Variants in PRDM5 observed in about 807,000 individuals in gnomAD.
PRDM5 encodes PR domain zinc finger protein 5.
PRDM5 carries 56 observed loss-of-function variants against 81.2 expected under a neutral mutation model. The ratio of observed to expected loss-of-function variants is 0.69; its 90% CI spans 0.56 to 0.86. The LOEUF is 0.86. PRDM5 is among the 40% of genes least tolerant of loss of function. The pLI is 0.00. For synonymous variants in PRDM5, 267 were observed against 256.4 expected (o/e 1.04, Z -0.39); for missense variants, 697 against 770.1 (o/e 0.91, Z 1.12).
At chr4:120,823,329 A>G (rs1397496323) in intron 3 of PRDM5, among the ~76,000 whole-genome samples, 1 of 152,214 alleles carries the variant, frequency 6.6e-6, no homozygotes, top group Non-Finnish European at 1.5e-5. Flanking sequence ...AAATTTTCAT[A>G]TACCAGCTAA....
intron 7 of PRDM5, among the ~76,000 whole-genome samples, chr4:120,814,492 G>A (rs2149331799): frequency 6.6e-6 from 1 of 152,280 alleles, no homozygotes; most frequent in South Asian, 2.1e-4. Context: ...TATGCTTCTA[G>A]GAGCTGGTCT....
At chr4:120,855,078 A>G (rs1325621644) in intron 2 of PRDM5, among the ~76,000 whole-genome samples, 1 of 152,216 alleles carries the variant, frequency 6.6e-6, no homozygotes, top group Non-Finnish European at 1.5e-5. Context: ...GGGCAGGTAC[A>G]GTTATTTTTA....
chr4:120,787,256 C>T lies in PRDM5; in HGVS notation c.1189-2165G>A, dbSNP rs551732575. 3.9e-5 allele frequency among the ~76,000 whole-genome samples: 6 copies of T among 152,134 alleles called. No homozygotes were observed. The South Asian group carries it at 6.2e-4, about 16-fold the overall frequency. On this transcript the variant is annotated intron_variant, in intron 10 of 15. Coordinates refer to ENST00000264808, the MANE Select transcript of PRDM5 (RefSeq NM_018699.4). Reference sequence around the variant, plus strand: ...CGGGTGACCTAGTCAAGAAACATCACGGAAGCCAGTGTGGTTGGAGCCATG... The same window carrying T: ...CGGGTGACCTAGTCAAGAAACATCATGGAAGCCAGTGTGGTTGGAGCCATG...
chr4:120,733,087 A>T (rs1167655183), intron 14 of PRDM5, among the ~76,000 whole-genome samples: 1 of 152,234 alleles, frequency 6.6e-6, no homozygotes, highest in Non-Finnish European at 1.5e-5. Context: ...ATATGAAAGA[A>T]AAATAGGTAA....
chr4:120,835,225 C>T (rs148544756), intron 3 of PRDM5, among the ~76,000 whole-genome samples: 94 of 152,200 alleles, frequency 6.2e-4, no homozygotes, highest in African/African-American at 2.3e-3. Context: ...ATTAATCAAC[C>T]ACCAAAGAAA....
chr4:120,741,208 C>A (rs754056494), intron 14 of PRDM5, among the ~76,000 whole-genome samples: 24 of 152,148 alleles, frequency 1.6e-4, no homozygotes, highest in Non-Finnish European at 1.0e-4. Flanking sequence ...TCAACCAACG[C>A]TGCATATCCT....
intron 14 of PRDM5, among the ~76,000 whole-genome samples, chr4:120,745,753 C>G (rs1294257935): frequency 6.9e-6 from 1 of 144,168 alleles, no homozygotes; most frequent in Non-Finnish European, 1.5e-5. Flanking sequence ...TCAAGGAGAA[C>G]TACAAACCGC....
chr4:120,759,126 C>A (rs17051243), intron 13 of PRDM5, among the ~76,000 whole-genome samples: 233 of 151,112 alleles, frequency 1.5e-3, no homozygotes, highest in African/African-American at 5.3e-3. Context: ...ATGAGGTCTA[C>A]GTAAATCACT....
Position 120,716,520 on chromosome 4 carries a change from C to G in PRDM5, c.1624-6107G>C, listed in dbSNP as rs1466339134. ...CTATGTTAGTCTGGCAAGAAAGGCTCTCTGTCATAACTAAGTATATCAACA... is the reference window on the plus strand; with the variant it reads ...CTATGTTAGTCTGGCAAGAAAGGCTGTCTGTCATAACTAAGTATATCAACA... On this transcript the variant is annotated intron_variant, in intron 14 of 15. Transcript: ENST00000264808. Among the ~76,000 whole-genome samples the G allele has an allele frequency of 2.0e-5, 3 of 152,142 alleles. No homozygotes were observed. The East Asian group carries it at 5.8e-4, about 29-fold the overall frequency.
At chr4:120,861,276 G>A (rs1419234302) in intron 2 of PRDM5, among the ~76,000 whole-genome samples, 2 of 152,104 alleles carry the variant, frequency 1.3e-5, no homozygotes, top group Admixed American at 6.5e-5. Flanking sequence ...CCAAAGTGCT[G>A]GGATTATAGG....
At chr4:120,832,396 G>A (rs752336921) in intron 3 of PRDM5, among the ~76,000 whole-genome samples, 4 of 152,110 alleles carry the variant, frequency 2.6e-5, no homozygotes, top group Non-Finnish European at 4.4e-5. Context: ...CACAGCACAT[G>A]AGGATTATGG....
intron 2 of PRDM5, among the ~76,000 whole-genome samples, chr4:120,888,959 T>A (rs996192825): frequency 3.3e-5 from 5 of 152,194 alleles, no homozygotes; most frequent in African/African-American, 1.2e-4. Context: ...TAGTTCTTAC[T>A]ATATTCTGGA....
chr4:120,702,256 T>C (rs1010371971), intron 15 of PRDM5, among the ~76,000 whole-genome samples: 2 of 152,194 alleles, frequency 1.3e-5, no homozygotes, highest in Non-Finnish European at 2.9e-5. Context: ...AATTGTTCCA[T>C]GGTGTTTTGC....
At chr4:120,741,476 C>T (rs1230812823) in intron 14 of PRDM5, among the ~76,000 whole-genome samples, 2 of 151,628 alleles carry the variant, frequency 1.3e-5, no homozygotes, top group East Asian at 2.0e-4. Context: ...GCCTGAACCA[C>T]GCAGAAGACG....
intron 2 of PRDM5, among the ~76,000 whole-genome samples, chr4:120,873,989 G>T (rs1762105497): frequency 1.3e-5 from 2 of 151,932 alleles, no homozygotes; most frequent in South Asian, 4.1e-4. Context: ...CATAATAATT[G>T]TACATATTTA....
At chr4:120,764,583 G>GA (rs111790329) in intron 13 of PRDM5, among the ~76,000 whole-genome samples, 63 of 147,592 alleles carry the variant, frequency 4.3e-4, no homozygotes, top group Admixed American at 1.6e-3. Context: ...GCTGAGTATA[G>GA]AAAAAAAAAA....
At chr4:120,819,241 T>C (rs1561372557) in intron 4 of PRDM5, among the ~76,000 whole-genome samples, 1 of 152,222 alleles carries the variant, frequency 6.6e-6, no homozygotes, top group East Asian at 1.9e-4. Flanking sequence ...ATACTTTATA[T>C]ACAATTTTAT....
At chr4:120,718,624 T>C (rs1738147705) in intron 14 of PRDM5, among the ~76,000 whole-genome samples, 1 of 152,174 alleles carries the variant, frequency 6.6e-6, no homozygotes, top group African/African-American at 2.4e-5. Flanking sequence ...TTAGAGAAGT[T>C]TGCCTTAACA....
chr4:120,901,665 A>G (rs559127126), intron 2 of PRDM5, among the ~76,000 whole-genome samples: 2 of 152,368 alleles, frequency 1.3e-5, no homozygotes, highest in Non-Finnish European at 2.9e-5. Context: ...CCTTTTTAGC[A>G]TAAGTTATGG....
Sources: allele counts gnomAD v4.1 joint callset (sites outside exome capture counted in the v4.1 genomes callset), GRCh38; gene constraint gnomAD v4.1.1; transcripts MANE v1.5; gene names NCBI Gene and HGNC (gene_info 2026-07-23, HGNC 2026-07-21).